Variants in SMIM13 observed in about 807,000 individuals in gnomAD.
The protein encoded by SMIM13 is UPF0766 protein C6orf228.
In SMIM13, 3 loss-of-function variants were observed where a neutral mutation model predicts 5.9. The observed-to-expected ratio is 0.51, with a 90% CI of 0.23 to 1.31. SMIM13 has a LOEUF of 1.31. Ranked by LOEUF, SMIM13 falls within the 40% of genes most tolerant of loss-of-function variation. SMIM13 has a pLI of 0.18. For synonymous variants in SMIM13, 55 were observed against 46.0 expected, an observed-to-expected ratio of 1.19 and a Z score of -0.79; for missense variants, 85 against 109.9, an observed-to-expected ratio of 0.77 and a Z score of 1.01.
chr6:11,099,238 G>C (rs202068310), intron 1 of SMIM13, among the ~76,000 whole-genome samples: 6 of 151,892 alleles, frequency 4.0e-5, no homozygotes, highest in Non-Finnish European at 5.9e-5. Flanking sequence ...ACATTGGCGC[G>C]ATCTCGGCTC....
At chr6:11,116,506 G>T (rs1229069661) in intron 1 of SMIM13, among the ~76,000 whole-genome samples, 2 of 152,230 alleles carry the variant, frequency 1.3e-5, no homozygotes, top group Non-Finnish European at 2.9e-5. Flanking sequence ...TTTTTGGAAA[G>T]ATTTTCAACT....
chr6:11,111,156 A>G (rs1408556660), intron 1 of SMIM13, among the ~76,000 whole-genome samples: 1 of 152,214 alleles, frequency 6.6e-6, no homozygotes, highest in Non-Finnish European at 1.5e-5. Context: ...CCAGGCTAAC[A>G]CAGCAAGAGC....
chr6:11,117,978 C>T (rs1472778795), intron 1 of SMIM13, among the ~76,000 whole-genome samples: 1 of 151,440 alleles, frequency 6.6e-6, no homozygotes, highest in Non-Finnish European at 1.5e-5. Flanking sequence ...TCAGGTGACC[C>T]GCCCGCCTCG....
chr6:11,137,427 C>T lies in SMIM13; in HGVS notation c.*2825C>T, dbSNP rs1758529658. 6.6e-6 allele frequency: 1 copy of T among 150,456 alleles called. No homozygotes were observed. The highest frequency in any genetic ancestry group is 2.5e-5 in the African/African-American group (1 of 40,778). 9.3% of individuals were successfully genotyped at this position (150,456 alleles called of 1,614,324 possible). A position where few individuals can be genotyped will look rare whatever the true frequency, so the allele number is the denominator to read the frequency against. On this transcript the variant is annotated 3_prime_UTR_variant, in exon 2 of 2. Coordinates refer to ENST00000416247, the MANE Select transcript of SMIM13 (RefSeq NM_001135575.2). ...TGTTTTAGTGCTTTTGTAGCTAAAA[C>T]TTACTGGAACTGCATCACAACTACA...
At chr6:11,114,001 A>G (rs1356466287) in intron 1 of SMIM13, among the ~76,000 whole-genome samples, 1 of 144,896 alleles carries the variant, frequency 6.9e-6, no homozygotes, top group Admixed American at 6.9e-5. Flanking sequence ...TTTTTTTGAG[A>G]CGGAATCTCA....
At chr6:11,094,465 T>A in intron 1 of SMIM13, 76 bp downstream of exon 1, 1 of 1,230,408 alleles carries the variant, frequency 8.1e-7, no homozygotes, top group Non-Finnish European at 1.1e-6. Context: ...TTGTTGTTTG[T>A]TTTTTTGAAA....
chr6:11,102,654 T>G (rs1010983487), intron 1 of SMIM13: 3 of 152,166 alleles, frequency 2.0e-5, no homozygotes, highest in Non-Finnish European at 2.9e-5. Flanking sequence ...AGGACCTAGT[T>G]AGAGGTTAGA....
At chr6:11,095,292 A>G (rs1422559554) in intron 1 of SMIM13, among the ~76,000 whole-genome samples, 1 of 152,230 alleles carries the variant, frequency 6.6e-6, no homozygotes, top group African/African-American at 2.4e-5. Context: ...GCTGTGGAAT[A>G]TATGTGTGCA....
intron 1 of SMIM13, among the ~76,000 whole-genome samples, chr6:11,130,804 T>A (rs1284105718): frequency 6.6e-6 from 1 of 152,178 alleles, no homozygotes; most frequent in Non-Finnish European, 1.5e-5. Flanking sequence ...CTGAGAGACT[T>A]ACTCTTTCTT....
intron 1 of SMIM13, among the ~76,000 whole-genome samples, chr6:11,121,654 A>G (rs1758311521): frequency 6.6e-6 from 1 of 152,144 alleles, no homozygotes; most frequent in Non-Finnish European, 1.5e-5. Context: ...GTGATGCTTT[A>G]TTTTCTATTA....
chr6:11,133,119 T>C (rs1458565348), intron 1 of SMIM13, among the ~76,000 whole-genome samples: 2 of 152,214 alleles, frequency 1.3e-5, no homozygotes, highest in East Asian at 1.9e-4. Context: ...TCCTGACTTC[T>C]TCCTTGGTGT....
chr6:11,124,366 T>C (rs907829029), intron 1 of SMIM13, among the ~76,000 whole-genome samples: 6 of 152,254 alleles, frequency 3.9e-5, no homozygotes, highest in African/African-American at 1.4e-4. Flanking sequence ...ATTGTGTGTA[T>C]GTACCACATT....
chr6:11,103,776 G>A (rs1338664500), intron 1 of SMIM13: 1 of 1,551,590 alleles, frequency 6.4e-7, no homozygotes, highest in Non-Finnish European at 8.7e-7. Context: ...AAGGCGAGAG[G>A]AGACAAATTG....
intron 1 of SMIM13, 67 bp downstream of exon 1, chr6:11,094,456 T>G (rs539842969): frequency 7.8e-7 from 1 of 1,283,820 alleles, no homozygotes; most frequent in African/African-American, 1.6e-5. Context: ...GGGTTTTTTT[T>G]GTTGTTTGTT....
At chr6:11,107,650 C>T (rs903625549) in intron 1 of SMIM13, among the ~76,000 whole-genome samples, 18 of 152,170 alleles carry the variant, frequency 1.2e-4, no homozygotes, top group African/African-American at 4.3e-4. Flanking sequence ...AGACTGGAAA[C>T]CACTGAGCAT....
intron 1 of SMIM13, among the ~76,000 whole-genome samples, chr6:11,101,899 C>G (rs1372234697): frequency 1.3e-5 from 2 of 152,078 alleles, no homozygotes. Flanking sequence ...CCACCACACC[C>G]TGCTAATTTT....
chr6:11,095,649 G>A lies in SMIM13; in HGVS notation c.76+1260G>A, dbSNP rs138272676. Among the ~76,000 whole-genome samples the A allele has an allele frequency of 2.5e-3, 378 of 152,338 alleles. 2 individuals are homozygous for A. Among genetic ancestry groups the A allele is most frequent in the Non-Finnish European group, 4.2e-3 (287 of 68,030 alleles). On this transcript the variant is annotated intron_variant, in intron 1 of 1. Transcript: ENST00000416247. ...TTACAGGCATGAGTCACTGCATCCG[G>A]CCTTGTATGTATGTTTAAAATTTGT...
intron 1 of SMIM13, among the ~76,000 whole-genome samples, chr6:11,113,051 G>A (rs1338836165): frequency 3.3e-5 from 5 of 152,056 alleles, no homozygotes; most frequent in African/African-American, 9.7e-5. Flanking sequence ...GGCTGGTTTC[G>A]AACTCCTGAC....
chr6:11,118,447 T>C (rs954832825), intron 1 of SMIM13, among the ~76,000 whole-genome samples: 1 of 152,180 alleles, frequency 6.6e-6, no homozygotes, highest in Non-Finnish European at 1.5e-5. Context: ...AGAATAATAG[T>C]TGATTTGTTT....
Sources: gnomAD v4.1 joint callset for allele counts (sites outside exome capture counted in the v4.1 genomes callset) on GRCh38, gnomAD v4.1.1 for gene constraint, MANE v1.5 for transcripts, NCBI Gene and HGNC (gene_info 2026-07-23, HGNC 2026-07-21) for gene names.